CFAP161: variants seen among roughly 807,000 people sequenced by gnomAD.
CFAP161 encodes the protein cilia- and flagella-associated protein 161.
In CFAP161, 25 loss-of-function variants were observed where a neutral mutation model predicts 29.0. That is an observed-to-expected ratio of 0.86 (90% CI 0.63 to 1.20). CFAP161 has a LOEUF of 1.20. CFAP161 is among the 50% of genes most tolerant of loss of function. The pLI, the probability that CFAP161 is intolerant of heterozygous loss-of-function variation, is 0.00. For missense variants in CFAP161, 367 were observed against 371.9 expected (o/e 0.99, Z 0.11); for synonymous variants, 116 against 137.4 (o/e 0.84, Z 1.09).
At chr15:81,140,747 T>A (rs537365113) in intron 4 of CFAP161, among the ~76,000 whole-genome samples, 165 of 151,722 alleles carry the variant, frequency 1.1e-3, no homozygotes, top group African/African-American at 3.8e-3. Flanking sequence ...TTATTTATTA[T>A]TTATTTATTT....
chr15:81,133,025 A>G (rs1007572935), upstream of CFAP161, among the ~76,000 whole-genome samples: 1 of 151,410 alleles, frequency 6.6e-6, no homozygotes, highest in Non-Finnish European at 1.5e-5. Flanking sequence ...GAATGTTCCT[A>G]TTTTTATTCT....
At chr15:81,114,661 T>TTTTG (rs985504895) in intron 1 of CFAP161, among the ~76,000 whole-genome samples, 3 of 151,974 alleles carry the variant, frequency 2.0e-5, no homozygotes, top group East Asian at 3.9e-4. Flanking sequence ...AGACGAGGGT[T>TTTTG]TTTGTTTGTT....
intron 1 of CFAP161, among the ~76,000 whole-genome samples, chr15:81,120,098 A>G (rs2048269): frequency 0.57 from 86,950 of 151,998 alleles, 26,132 homozygotes; most frequent in Non-Finnish European, 0.68. Context: ...AATGTAAAAA[A>G]TATATATTTT....
chr15:81,129,991 G>A (rs977836907), upstream of CFAP161, among the ~76,000 whole-genome samples: 1 of 149,148 alleles, frequency 6.7e-6, no homozygotes, highest in African/African-American at 2.5e-5. Context: ...GTTTAGTGCA[G>A]CCACCTACAT....
chr15:81,147,679 C>T (rs1895032124), intron 5 of CFAP161, among the ~76,000 whole-genome samples, 179 bp from the exon 6 acceptor site: 1 of 151,940 alleles, frequency 6.6e-6, no homozygotes, highest in Non-Finnish European at 1.5e-5. Context: ...ATAGGTGGTC[C>T]TTTGCCAAAT....
Position 81,106,544 on chromosome 15 carries a change from C to T in CFAP161, c.-141-21046C>T, listed in dbSNP as rs371218549. Among the ~76,000 whole-genome samples the T allele has an allele frequency of 1.5e-3, 233 of 152,322 alleles. 1 individual carries two copies. Among genetic ancestry groups the T allele is most frequent in the African/African-American group, 5.1e-3 (211 of 41,572 alleles). ...TCCAGAAGCAAAGGTTTACAACTCC[C>T]TTTGGAATCAGAGACCCACTTGTAA... On this transcript the variant is annotated intron_variant, in intron 1 of 4. Transcript: ENST00000560091.
intron 1 of CFAP161, among the ~76,000 whole-genome samples, chr15:81,120,255 G>A (rs896648995): frequency 3.3e-5 from 5 of 152,186 alleles, no homozygotes; most frequent in Non-Finnish European, 7.3e-5. Flanking sequence ...CTATGTTATA[G>A]AGAAATGTAA....
At chr15:81,141,047 T>C (rs1415381252) in intron 4 of CFAP161, among the ~76,000 whole-genome samples, 3 of 152,258 alleles carry the variant, frequency 2.0e-5, no homozygotes, top group Non-Finnish European at 4.4e-5. Flanking sequence ...TTAAATATAA[T>C]GGTTATTTTT....
Position 81,146,831 on chromosome 15 carries a change from AATATATATATATATATATATATATATAT to A in CFAP161, c.637-1002_637-975del, listed in dbSNP as rs3086710. On this transcript the variant is annotated intron_variant, in intron 5 of 6. Transcript: ENST00000286732. ...TTTGCTCTTAAATAGGATAGCTACA[AATATATATATATATATATATATATATAT>A]ATATATATATATATATATATATATT... Among the ~76,000 whole-genome samples the A allele has an allele frequency of 1.8e-3, 124 of 70,586 alleles. 1 individual carries two copies. Among genetic ancestry groups the A allele is most frequent in the South Asian group, 3.8e-3 (8 of 2,122 alleles). 46.3% of individuals were successfully genotyped at this position (70,586 alleles called of 152,430 possible). A position where few individuals can be genotyped will look rare whatever the true frequency, so the allele number is the denominator to read the frequency against.
chr15:81,148,510 G>T lies in CFAP161; in HGVS notation c.883G>T (p.Ala295Ser), dbSNP rs745465428. 53 of 1,613,664 alleles carry T rather than the reference G, an allele frequency of 3.3e-5. No homozygotes were observed. Among genetic ancestry groups the T allele is most frequent in the Non-Finnish European group, 4.5e-5 (53 of 1,179,724 alleles). Reference sequence around the variant, plus strand: ...AGAGGACACTCGAGCCATGGAGCAGGCCATGGGCCTTGACACGCAGTAACA... The same window carrying T: ...AGAGGACACTCGAGCCATGGAGCAGTCCATGGGCCTTGACACGCAGTAACA... Reference protein sequence around the residue: ...PTEDTRAMEQAMGLDTQ With the variant: ...PTEDTRAMEQSMGLDTQ Residue 295 changes from alanine to serine, a missense_variant, in exon 7 of 7, where the codon GCC becomes TCC. Transcript: ENST00000286732.
intron 1 of CFAP161, among the ~76,000 whole-genome samples, chr15:81,116,273 C>CT (rs1157250414): frequency 6.6e-6 from 1 of 151,958 alleles, no homozygotes; most frequent in African/African-American, 2.4e-5. Flanking sequence ...GGAGTCATTT[C>CT]TTTTTTAAAA....
At chr15:81,119,827 G>A (rs1894547916) in intron 1 of CFAP161, among the ~76,000 whole-genome samples, 1 of 152,120 alleles carries the variant, frequency 6.6e-6, no homozygotes, top group Non-Finnish European at 1.5e-5. Flanking sequence ...AACATTTTGG[G>A]TGGTCAGTGC....
chr15:81,123,461 T>C (rs975017300), intron 1 of CFAP161, among the ~76,000 whole-genome samples: 17 of 152,320 alleles, frequency 1.1e-4, no homozygotes, highest in African/African-American at 3.8e-4. Context: ...TAGTTTGAAG[T>C]TGGGTAGTGT....
chr15:81,134,319 A>G lies in CFAP161; in HGVS notation c.-11A>G. The G allele has an allele frequency of 2.5e-6, 4 of 1,581,916 alleles. No individual in the cohort carries two copies. The highest frequency in any genetic ancestry group is 2.6e-6 in the Non-Finnish European group (3 of 1,164,584). On this transcript the variant is annotated 5_prime_UTR_variant, in exon 1 of 7. Transcript: ENST00000286732. ...TCGGAGGGAGGCCCACTTGCTGAAC[A>G]GCAGGGAGCGATGGCGCAGAACGTG...
At chr15:81,147,813 A>AG in intron 5 of CFAP161, 45 bp from the exon 6 acceptor site, 1 of 1,476,822 alleles carries the variant, frequency 6.8e-7, no homozygotes, top group South Asian at 1.3e-5. Flanking sequence ...AAGCAAAAAA[A>AG]AAAATGTTTA....
chr15:81,131,136 T>TAAAAAAAAAAAAAAAAAAAA (rs34706078), upstream of CFAP161, among the ~76,000 whole-genome samples: 2 of 130,920 alleles, frequency 1.5e-5, no homozygotes, highest in African/African-American at 2.8e-5. Flanking sequence ...CTTCAATTTG[T>TAAAAAAAAAAAAAAAAAAAA]AAAAAAAAAA....
At chr15:81,120,560 G>C (rs115488016) in intron 1 of CFAP161, among the ~76,000 whole-genome samples, 4,129 of 152,252 alleles carry the variant, frequency 0.027, 208 homozygotes, top group African/African-American at 0.093. Flanking sequence ...TTGAGGCCAG[G>C]AGTTCAAGAC....
chr15:81,099,907 A>C (rs1166001700), intron 1 of CFAP161, among the ~76,000 whole-genome samples: 2 of 152,130 alleles, frequency 1.3e-5, no homozygotes, highest in Non-Finnish European at 2.9e-5. Flanking sequence ...ATATTTCCAA[A>C]GGTTTTTTTT....
At chr15:81,126,500 G>A (rs530156621) in intron 1 of CFAP161, among the ~76,000 whole-genome samples, 24 of 152,188 alleles carry the variant, frequency 1.6e-4, no homozygotes, top group Non-Finnish European at 3.2e-4. Flanking sequence ...ATTAACAAAT[G>A]TGGGCAGGGA....
Sources: gnomAD v4.1 joint callset for allele counts (sites outside exome capture counted in the v4.1 genomes callset) on GRCh38, gnomAD v4.1.1 for gene constraint, MANE v1.5 for transcripts, NCBI Gene and HGNC (gene_info 2026-07-23, HGNC 2026-07-21) for gene names.